Variants in ARIH1 observed in about 807,000 individuals in gnomAD.
The protein encoded by ARIH1 is E3 ubiquitin-protein ligase ARIH1.
In ARIH1, 8 loss-of-function variants were observed where a neutral mutation model predicts 85.0. The observed-to-expected ratio is 0.09, with a 90% CI of 0.06 to 0.17. The LOEUF is 0.17. Ranked by LOEUF, ARIH1 falls within the 10% of genes least tolerant of loss-of-function variation. The probability of loss-of-function intolerance (pLI) is 1.00; values close to 1 mark genes in which losing one functional copy is unlikely to be tolerated. For missense variants in ARIH1, 311 were observed against 718.1 expected, an observed-to-expected ratio of 0.43 and a Z score of 6.48; for synonymous variants, 238 against 253.6, an observed-to-expected ratio of 0.94 and a Z score of 0.59.
intron 1 of ARIH1, among the ~76,000 whole-genome samples, chr15:72,505,170 A>G (rs1019487991): frequency 6.6e-6 from 1 of 152,228 alleles, no homozygotes; most frequent in Admixed American, 6.5e-5. Flanking sequence ...GATTCAGTAG[A>G]TGGCTGTTGG....
At chr15:72,575,477 G>A (rs2064266538) in intron 11 of ARIH1, among the ~76,000 whole-genome samples, 1 of 144,484 alleles carries the variant, frequency 6.9e-6, no homozygotes, top group Non-Finnish European at 1.5e-5. Flanking sequence ...GATCACTTGA[G>A]CCTGGGAAGA....
chr15:72,540,800 C>A (rs955434565), intron 2 of ARIH1, among the ~76,000 whole-genome samples: 1 of 152,124 alleles, frequency 6.6e-6, no homozygotes, highest in Admixed American at 6.5e-5. Flanking sequence ...AACTGCTGTG[C>A]ACCAGCCTGG....
intron 1 of ARIH1, among the ~76,000 whole-genome samples, chr15:72,505,077 C>T (rs1448739894): frequency 6.6e-6 from 1 of 152,156 alleles, no homozygotes; most frequent in Non-Finnish European, 1.5e-5. Context: ...AGCATTACTT[C>T]CTGTAGCTTA....
chr15:72,539,329 T>C (rs1324606237), intron 2 of ARIH1, among the ~76,000 whole-genome samples: 2 of 151,636 alleles, frequency 1.3e-5, no homozygotes, highest in African/African-American at 2.4e-5. Flanking sequence ...TAGTCTTAAA[T>C]AAAACAATCA....
At chr15:72,496,968 C>A in intron 1 of ARIH1, 1 of 456,616 alleles carries the variant, frequency 2.2e-6, no homozygotes, top group Non-Finnish European at 2.9e-6. Context: ...CATCATTTAT[C>A]CTATAAATCT....
intron 1 of ARIH1, among the ~76,000 whole-genome samples, chr15:72,478,408 C>T (rs555981635): frequency 8.5e-4 from 130 of 152,268 alleles, no homozygotes; most frequent in African/African-American, 2.8e-3. Context: ...TGAGCCACCG[C>T]GCCCAGCCTA....
At position 72,580,691 on chromosome 15, in the gene ARIH1, G is replaced by T. The variant is rs1398868663; in HGVS notation, c.1216-40G>T. ...TAATCAGCTTTTATGTACAGTTTATGTGTTATAATTATATCACCCAATTTT... is the reference window on the plus strand; with the variant it reads ...TAATCAGCTTTTATGTACAGTTTATTTGTTATAATTATATCACCCAATTTT... On this transcript the variant is annotated intron_variant, in intron 11 of 13. Coordinates refer to ENST00000379887, the MANE Select transcript of ARIH1 (RefSeq NM_005744.5). The T allele has an allele frequency of 2.6e-6, 4 of 1,567,310 alleles. No individual in the cohort carries two copies. The Admixed American group carries it at 7.1e-5, about 28-fold the overall frequency.
chr15:72,569,507 G>C (rs2064234552), intron 9 of ARIH1, among the ~76,000 whole-genome samples: 1 of 152,078 alleles, frequency 6.6e-6, no homozygotes, highest in African/African-American at 2.4e-5. Flanking sequence ...CAGATTGCTT[G>C]GATTTGGATC....
chr15:72,556,853 A>T (rs2140429833), intron 5 of ARIH1, among the ~76,000 whole-genome samples: 1 of 152,252 alleles, frequency 6.6e-6, no homozygotes, highest in South Asian at 2.1e-4. Flanking sequence ...TAGGATGATG[A>T]CCTCTAGCTG....
At chr15:72,492,356 G>A (rs1224139015) in intron 1 of ARIH1, among the ~76,000 whole-genome samples, 7 of 152,130 alleles carry the variant, frequency 4.6e-5, no homozygotes, top group African/African-American at 1.7e-4. Context: ...CTGTTATGGA[G>A]GCACTAGATA....
intron 1 of ARIH1, among the ~76,000 whole-genome samples, chr15:72,504,634 C>T (rs576867191): frequency 1.3e-5 from 2 of 152,196 alleles, no homozygotes; most frequent in Non-Finnish European, 2.9e-5. Context: ...GTGGGTTGGC[C>T]ATCAGTAGTT....
rs1258971391 is a variant in ARIH1 at position 72,593,746 on chromosome 15, C to T, written c.*10454C>T. The T allele has an allele frequency of 6.6e-6, 1 of 152,054 alleles. No individual in the cohort carries two copies. The highest frequency in any genetic ancestry group is 1.9e-4 in the East Asian group (1 of 5,202). 9.4% of individuals were successfully genotyped at this position (152,054 alleles called of 1,614,324 possible). On this transcript the variant is annotated 3_prime_UTR_variant, in exon 14 of 14. Transcript: ENST00000379887. Reference sequence around the variant, plus strand: ...TAAGTCTTTAAATTAGTAAATCCTTCCTTTTTGTTATTTTTCAAGATCGCT... The same window carrying T: ...TAAGTCTTTAAATTAGTAAATCCTTTCTTTTTGTTATTTTTCAAGATCGCT...
chr15:72,499,546 G>A (rs1287695033), intron 1 of ARIH1, among the ~76,000 whole-genome samples: 2 of 152,148 alleles, frequency 1.3e-5, no homozygotes, highest in African/African-American at 4.8e-5. Flanking sequence ...CTTATAGCTT[G>A]ATTTTTGAAG....
In ARIH1 at chr15:72,590,823, C is replaced by T. The variant is rs2064339791; in HGVS notation, c.*7531C>T. ...TTTGGCACCTGTAAAACCCTCTTCA[C>T]TGATTATGCCTGTTTAAAGGTTTGG... On this transcript the variant is annotated 3_prime_UTR_variant, in exon 14 of 14. Coordinates refer to ENST00000379887, the MANE Select transcript of ARIH1 (RefSeq NM_005744.5). 1 of 152,184 alleles carries T rather than the reference C, an allele frequency of 6.6e-6. No individual in the cohort carries two copies. Among genetic ancestry groups the T allele is most frequent in the African/African-American group, 2.4e-5 (1 of 41,434 alleles). The allele number at this position is 152,184 out of a possible 1,614,324, so 9.4% of individuals were successfully genotyped here. A position where few individuals can be genotyped will look rare whatever the true frequency, so the allele number is the denominator to read the frequency against.
At chr15:72,514,365 G>A (rs983531827) in intron 1 of ARIH1, among the ~76,000 whole-genome samples, 3 of 151,918 alleles carry the variant, frequency 2.0e-5, no homozygotes, top group Admixed American at 1.3e-4. Context: ...ATAGTGAGCC[G>A]GTCCAGTGAG....
At chr15:72,513,648 T>C (rs942191004) in intron 1 of ARIH1, among the ~76,000 whole-genome samples, 1 of 150,338 alleles carries the variant, frequency 6.7e-6, no homozygotes, top group Non-Finnish European at 1.5e-5. Context: ...TCTTATAGCT[T>C]TTCTTTTAGA....
intron 1 of ARIH1, among the ~76,000 whole-genome samples, chr15:72,498,698 G>C (rs1240358160): frequency 6.6e-6 from 1 of 151,946 alleles, no homozygotes; most frequent in Admixed American, 6.5e-5. Flanking sequence ...ACATTAGCTG[G>C]GTGTGGTGGT....
At chr15:72,475,059 G>A in intron 1 of ARIH1, 45 bp downstream of exon 1, 1 of 1,543,812 alleles carries the variant, frequency 6.5e-7, no homozygotes, top group Non-Finnish European at 8.8e-7. Context: ...CGACGGGGGA[G>A]CGGATTCAGG....
chr15:72,512,938 G>A (rs2063956802), intron 1 of ARIH1, among the ~76,000 whole-genome samples: 1 of 151,892 alleles, frequency 6.6e-6, no homozygotes, highest in Admixed American at 6.6e-5. Context: ...TTCTTGTTCT[G>A]GAGTTTGCTT....
Sources: allele counts gnomAD v4.1 joint callset (sites outside exome capture counted in the v4.1 genomes callset), GRCh38; gene constraint gnomAD v4.1.1; transcripts MANE v1.5; gene names NCBI Gene and HGNC (gene_info 2026-07-23, HGNC 2026-07-21).